Variants in HSPA12A observed in about 807,000 individuals in gnomAD.
The protein encoded by HSPA12A is heat shock 70 kDa protein 12A.
Under a neutral mutation model 69.2 loss-of-function variants are expected in HSPA12A, and 28 were observed. The ratio of observed to expected loss-of-function variants is 0.40; its 90% CI spans 0.30 to 0.55. The LOEUF is 0.55. Among genes scored for constraint, HSPA12A ranks in the 20% least tolerant of loss-of-function variants. The pLI, the probability that HSPA12A is intolerant of heterozygous loss-of-function variation, is 0.38. For missense variants in HSPA12A, 686 were observed against 900.7 expected (o/e 0.76, Z 3.05); for synonymous variants, 345 against 370.5 (o/e 0.93, Z 0.79).
At chr10:116,738,943 G>A (rs1373274581) in intron 1 of HSPA12A, among the ~76,000 whole-genome samples, 3 of 152,326 alleles carry the variant, frequency 2.0e-5, no homozygotes, top group African/African-American at 4.8e-5. Flanking sequence ...ATGTTGACAC[G>A]GAAGTGGATC....
At chr10:116,682,458 G>GGC (rs1554878762) in intron 7 of HSPA12A, among the ~76,000 whole-genome samples, 2 of 151,368 alleles carry the variant, frequency 1.3e-5, no homozygotes, top group African/African-American at 4.9e-5. Context: ...AATAGACTGG[G>GGC]GGGGGGGGCC....
intron 2 of HSPA12A, among the ~76,000 whole-genome samples, chr10:116,804,913 CA>C: frequency 6.6e-6 from 1 of 152,214 alleles, no homozygotes; most frequent in African/African-American, 2.4e-5. Context: ...TTTTGAAGTT[CA>C]AAAAAGATAG....
intron 2 of HSPA12A, among the ~76,000 whole-genome samples, chr10:116,794,785 C>A (rs1009728671): frequency 9.9e-5 from 15 of 152,044 alleles, no homozygotes; most frequent in African/African-American, 2.4e-5. Context: ...TGCACTCCAG[C>A]CTGGGTGACA....
At chr10:116,766,295 A>T (rs1844075605) in intron 2 of HSPA12A, among the ~76,000 whole-genome samples, 1 of 151,992 alleles carries the variant, frequency 6.6e-6, no homozygotes, top group Non-Finnish European at 1.5e-5. Context: ...CTGGTTGAAA[A>T]ACTGAAATTC....
intron 2 of HSPA12A, among the ~76,000 whole-genome samples, chr10:116,765,092 T>C (rs1407549535): frequency 1.3e-5 from 2 of 152,108 alleles, no homozygotes; most frequent in African/African-American, 4.8e-5. Context: ...AAAGGTGAGG[T>C]AAATGCATGC....
chr10:116,770,868 C>A (rs1554890399), intron 2 of HSPA12A, among the ~76,000 whole-genome samples: 1 of 143,998 alleles, frequency 6.9e-6, no homozygotes, highest in African/African-American at 2.6e-5. Context: ...TCTAAGGATG[C>A]CTTCGGGTCA....
chr10:116,770,541 G>A (rs184359905), intron 2 of HSPA12A, among the ~76,000 whole-genome samples: 3 of 152,300 alleles, frequency 2.0e-5, no homozygotes, highest in East Asian at 1.9e-4. Flanking sequence ...CACAGGGGGC[G>A]GCAGGAAATG....
intron 2 of HSPA12A, among the ~76,000 whole-genome samples, chr10:116,820,142 G>A (rs1313369442): frequency 6.6e-6 from 1 of 151,886 alleles, no homozygotes; most frequent in African/African-American, 2.4e-5. Context: ...GTTTTTAGTT[G>A]GTAAAAATGG....
intron 1 of HSPA12A, among the ~76,000 whole-genome samples, chr10:116,717,233 C>T (rs1850634002): frequency 6.6e-6 from 1 of 152,184 alleles, no homozygotes; most frequent in African/African-American, 2.4e-5. Context: ...AGACTCAGAG[C>T]TCTCTGACTC....
intron 2 of HSPA12A, among the ~76,000 whole-genome samples, chr10:116,820,398 A>G (rs528114920): frequency 1.3e-5 from 2 of 152,176 alleles, no homozygotes; most frequent in East Asian, 3.9e-4. Flanking sequence ...CTGGTCAGGG[A>G]TGCGGTTACA....
chr10:116,804,052 T>G (rs1418175868), intron 2 of HSPA12A, among the ~76,000 whole-genome samples: 1 of 152,162 alleles, frequency 6.6e-6, no homozygotes, highest in Non-Finnish European at 1.5e-5. Context: ...CGCACTGTCT[T>G]GCAACGGCCC....
At chr10:116,825,664 C>G (rs1325597048) in intron 2 of HSPA12A, among the ~76,000 whole-genome samples, 1 of 152,106 alleles carries the variant, frequency 6.6e-6, no homozygotes, top group Non-Finnish European at 1.5e-5. Context: ...TCTATAGTGA[C>G]CAAAAGCAAC....
chr10:116,820,105 G>A (rs1184046764), intron 2 of HSPA12A, among the ~76,000 whole-genome samples: 1 of 152,232 alleles, frequency 6.6e-6, no homozygotes, highest in Non-Finnish European at 1.5e-5. Context: ...TTACCAGCGT[G>A]AGTCACTGTG....
At chr10:116,705,576 C>T (rs1489875107) in intron 2 of HSPA12A, among the ~76,000 whole-genome samples, 2 of 152,254 alleles carry the variant, frequency 1.3e-5, no homozygotes, top group Non-Finnish European at 1.5e-5. Flanking sequence ...TACAGAAATT[C>T]TATCATCAGG....
intron 1 of HSPA12A, among the ~76,000 whole-genome samples, chr10:116,717,687 T>C (rs575478901): frequency 2.6e-4 from 39 of 152,294 alleles, no homozygotes; most frequent in Non-Finnish European, 4.6e-4. Context: ...ATCATCATTA[T>C]AAAATCGTTC....
intron 6 of HSPA12A, among the ~76,000 whole-genome samples, chr10:116,687,561 A>G (rs149897837): frequency 1.3e-5 from 2 of 152,290 alleles, no homozygotes; most frequent in African/African-American, 4.8e-5. Flanking sequence ...AGGAAATGCT[A>G]AAGTATCGCC....
chr10:116,714,181 C>T (rs1390289929), intron 1 of HSPA12A, among the ~76,000 whole-genome samples: 1 of 151,866 alleles, frequency 6.6e-6, no homozygotes, highest in Non-Finnish European at 1.5e-5. Context: ...TTTATGTGTA[C>T]CCAAAAGTGG....
chr10:116,814,761 A>G, intron 2 of HSPA12A, among the ~76,000 whole-genome samples: 1 of 152,202 alleles, frequency 6.6e-6, no homozygotes, highest in Admixed American at 6.5e-5. Context: ...ACCACGGACC[A>G]TTGCGAGATT....
intron 2 of HSPA12A, 96 bp from the exon 3 acceptor site, chr10:116,705,374 C>A: frequency 1.5e-6 from 2 of 1,361,404 alleles, no homozygotes; most frequent in Admixed American, 1.7e-5. Context: ...AGCTGTGAAC[C>A]CCCTGCAGAC....
Sources: gnomAD v4.1 joint callset for allele counts (sites outside exome capture counted in the v4.1 genomes callset) on GRCh38, gnomAD v4.1.1 for gene constraint, MANE v1.5 for transcripts, NCBI Gene and HGNC (gene_info 2026-07-23, HGNC 2026-07-21) for gene names.